Variants in ARHGAP39 observed in about 807,000 individuals in gnomAD.
ARHGAP39 encodes rho GTPase-activating protein 39.
A neutral mutation model predicts 106.9 loss-of-function variants in ARHGAP39; 44 were observed. The observed-to-expected ratio is 0.41, with a 90% confidence interval of 0.32 to 0.53. ARHGAP39 has a LOEUF of 0.53. ARHGAP39 is among the 20% of genes least tolerant of loss of function. ARHGAP39 has a pLI of 0.21. For missense variants in ARHGAP39, 1,496 were observed against 1,577.3 expected, an observed-to-expected ratio of 0.95 and a Z score of 0.87; for synonymous variants, 768 against 693.2, an observed-to-expected ratio of 1.11 and a Z score of -1.69.
intron 1 of ARHGAP39, among the ~76,000 whole-genome samples, chr8:144,607,496 T>C (rs552361734): frequency 5.3e-5 from 8 of 152,334 alleles, no homozygotes; most frequent in African/African-American, 1.9e-4. Flanking sequence ...TGCCGAACCG[T>C]GGTGGGCACT....
rs1346209292 is a variant in ARHGAP39, at chr8:144,644,953, C to T, written c.-81-39258G>A. Among the ~76,000 whole-genome samples the T allele has an allele frequency of 2.0e-5, 3 of 152,240 alleles. No homozygotes were observed. Among genetic ancestry groups the T allele is most frequent in the Non-Finnish European group, 4.4e-5 (3 of 68,036 alleles). ...CCGTGCTGCCACACCCTGCCCAGTG[C>T]GCCCATTCAGGACAGAAGTCAGTCC... On this transcript the variant is annotated intron_variant, in intron 1 of 11. Transcript: ENST00000377307. This position sits in a 1 kb window ranked among gnomAD's most constrained non-coding sequence, Gnocchi z 4.8.
At chr8:144,602,545 C>T in intron 2 of ARHGAP39, among the ~76,000 whole-genome samples, 2 of 109,210 alleles carry the variant, frequency 1.8e-5, no homozygotes, top group South Asian at 3.3e-4. Context: ...CCTGTGTGTG[C>T]ATGGAGGCGT....
At chr8:144,652,351 A>G (rs1821593858) in intron 1 of ARHGAP39, among the ~76,000 whole-genome samples, 1 of 152,222 alleles carries the variant, frequency 6.6e-6, no homozygotes, top group Admixed American at 6.5e-5. Flanking sequence ...TGTGGAAAGC[A>G]GTATTCCTCA....
intron 4 of ARHGAP39, among the ~76,000 whole-genome samples, chr8:144,550,599 C>G (rs1458402672): frequency 6.6e-6 from 1 of 152,270 alleles, no homozygotes; most frequent in Non-Finnish European, 1.5e-5. Flanking sequence ...CAGGGACAAC[C>G]TGCTCCAGAA....
In ARHGAP39 at chr8:144,529,890, G is replaced by C. The variant is rs1816595511; in HGVS notation, c.*532C>G. On this transcript the variant is annotated 3_prime_UTR_variant, in exon 12 of 12. Transcript: ENST00000377307. Reference sequence around the variant, plus strand: ...GAGCCTGCCAGGCCCCGGGCCCACTGTCCTGGAGCCCCCAAACTCCTGAGC... The same window carrying C: ...GAGCCTGCCAGGCCCCGGGCCCACTCTCCTGGAGCCCCCAAACTCCTGAGC... 1 of 153,978 alleles carries C rather than the reference G, an allele frequency of 6.5e-6. No homozygotes were observed. Among genetic ancestry groups the C allele is most frequent in the African/African-American group, 2.4e-5 (1 of 41,380 alleles). 9.5% of individuals were successfully genotyped at this position (153,978 alleles called of 1,614,324 possible). A position where few individuals can be genotyped will look rare whatever the true frequency, so the allele number is the denominator to read the frequency against.
intron 2 of ARHGAP39, among the ~76,000 whole-genome samples, chr8:144,594,088 C>CA (rs149748913): frequency 0.12 from 6,652 of 56,236 alleles, 507 homozygotes; most frequent in African/African-American, 0.26. Context: ...GACTCCGTCT[C>CA]AAAAAAAAAA....
chr8:144,628,973 G>A (rs1820994521), intron 1 of ARHGAP39, among the ~76,000 whole-genome samples: 1 of 152,032 alleles, frequency 6.6e-6, no homozygotes, highest in Non-Finnish European at 1.5e-5. Context: ...TTGTGATGGC[G>A]GATGCATCTC....
chr8:144,688,628 G>C (rs557647630), upstream of ARHGAP39, among the ~76,000 whole-genome samples: 1 of 152,316 alleles, frequency 6.6e-6, no homozygotes, highest in South Asian at 2.1e-4. Context: ...AGGCTGAGGT[G>C]TGAGGATCAC....
At chr8:144,681,030 C>T (rs927188069) in intron 1 of ARHGAP39, among the ~76,000 whole-genome samples, 1 of 152,158 alleles carries the variant, frequency 6.6e-6, no homozygotes, top group Non-Finnish European at 1.5e-5. Flanking sequence ...TGATACCAAA[C>T]ACAGCAGAAG....
Position 144,641,072 on chromosome 8 carries a change from T to C in ARHGAP39, c.-81-35377A>G, listed in dbSNP as rs1005986964. Among the ~76,000 whole-genome samples the C allele has an allele frequency of 1.3e-5, 2 of 152,172 alleles. No individual in the cohort carries two copies. The highest frequency in any genetic ancestry group is 4.8e-5 in the African/African-American group (2 of 41,444). On this transcript the variant is annotated intron_variant, in intron 1 of 11. Transcript: ENST00000377307. The surrounding 1 kb of genome is among the most constrained non-coding windows in gnomAD (Gnocchi z 5.2). ...CAACTAGATATTTTTATTTCTCATC[T>C]GCCTGGGCCCATCCCAGCACCAGTT...
chr8:144,574,437 G>A (rs1209413753), intron 3 of ARHGAP39, among the ~76,000 whole-genome samples: 3 of 152,174 alleles, frequency 2.0e-5, no homozygotes, highest in Admixed American at 6.5e-5. Flanking sequence ...TTGGGAGGCC[G>A]AGGCGGGCAG....
At chr8:144,698,718 G>C in the ARHGAP39 span, 1 of 398,998 alleles carries the variant, frequency 2.5e-6, no homozygotes, top group Non-Finnish European at 5.1e-6. Context: ...TGGCCTGCCT[G>C]GCACAGTCTG....
In ARHGAP39 at chr8:144,577,320, CAGAT is replaced by C. The variant is rs527677379; in HGVS notation, c.512+3522_512+3525del. Among the ~76,000 whole-genome samples, 332 of 152,294 alleles carry C rather than the reference CAGAT, an allele frequency of 2.2e-3. 1 individual carries two copies. The highest frequency in any genetic ancestry group is 7.0e-3 in the African/African-American group (291 of 41,564). On this transcript the variant is annotated intron_variant, in intron 3 of 11. Transcript: ENST00000377307. ...CAACCAGTGTAAAACACCACACTGA[CAGAT>C]AGACTGAAGGAGAGAAACCACGTGA...
intron 2 of ARHGAP39, among the ~76,000 whole-genome samples, chr8:144,599,110 G>C (rs1236945952): frequency 6.6e-6 from 1 of 152,202 alleles, no homozygotes; most frequent in African/African-American, 2.4e-5. Context: ...GGTTGGTGCT[G>C]CTCACAGAAG....
chr8:144,543,937 GCCTCCAGCTC>G (rs1295035373), intron 6 of ARHGAP39: 101 of 152,468 alleles, frequency 6.6e-4, no homozygotes, highest in African/African-American at 2.2e-3. Context: ...CAGCTCCATA[GCCTCCAGCTC>G]AGGCACGACA....
intron 3 of ARHGAP39, among the ~76,000 whole-genome samples, chr8:144,572,660 C>T (rs538954225): frequency 1.3e-5 from 2 of 152,198 alleles, no homozygotes; most frequent in African/African-American, 4.8e-5. Flanking sequence ...TTCTGCACAG[C>T]AAAAGAAACT....
chr8:144,619,450 G>A (rs1470597336), intron 1 of ARHGAP39, among the ~76,000 whole-genome samples: 2 of 151,734 alleles, frequency 1.3e-5, no homozygotes, highest in African/African-American at 2.4e-5. Context: ...CAGCAGGTAT[G>A]CTCGTGTGCG....
At chr8:144,675,878 C>T (rs1420051592) in intron 1 of ARHGAP39, among the ~76,000 whole-genome samples, 1 of 151,242 alleles carries the variant, frequency 6.6e-6, no homozygotes, top group Non-Finnish European at 1.5e-5. Context: ...TCGTGGTCTT[C>T]CTGGCTTCAG....
Position 144,644,571 on chromosome 8 carries a change from G to T in ARHGAP39, c.-81-38876C>A, listed in dbSNP as rs575538465. On this transcript the variant is annotated intron_variant, in intron 1 of 11. Coordinates refer to ENST00000377307, the MANE Select transcript of ARHGAP39 (RefSeq NM_025251.3). The surrounding 1 kb of genome is among the most constrained non-coding windows in gnomAD (Gnocchi z 4.8). Reference sequence around the variant, plus strand: ...CTCCATAATTGAAACACTGCCAAATGCACGCCGGCTCGTGGCGGCACCCCT... The same window carrying T: ...CTCCATAATTGAAACACTGCCAAATTCACGCCGGCTCGTGGCGGCACCCCT... Among the ~76,000 whole-genome samples, 1 of 152,300 alleles carries T rather than the reference G, an allele frequency of 6.6e-6. No individual in the cohort carries two copies. The highest frequency in any genetic ancestry group is 2.4e-5 in the African/African-American group (1 of 41,556).
Sources: allele counts gnomAD v4.1 joint callset (sites outside exome capture counted in the v4.1 genomes callset), GRCh38; gene constraint gnomAD v4.1.1; non-coding constraint Gnocchi (gnomAD v3.1); transcripts MANE v1.5; gene names NCBI Gene and HGNC (gene_info 2026-07-23, HGNC 2026-07-21).